RGPD2: variants seen among roughly 807,000 people sequenced by gnomAD.
The protein encoded by RGPD2 is RANBP2-like and GRIP domain-containing protein 2.
A neutral mutation model predicts 36.0 loss-of-function variants in RGPD2; 2 were observed. The ratio of observed to expected loss-of-function variants is 0.06; its 90% confidence interval spans 0.02 to 0.17. RGPD2 has a LOEUF of 0.17. Among genes scored for constraint, RGPD2 ranks in the 10% least tolerant of loss-of-function variants. The probability of loss-of-function intolerance (pLI) is 1.00; values close to 1 mark genes in which losing one functional copy is unlikely to be tolerated. For missense variants in RGPD2, 40 were observed against 464.3 expected, an observed-to-expected ratio of 0.09 and a Z score of 8.40; for synonymous variants, 19 against 163.8, an observed-to-expected ratio of 0.12 and a Z score of 6.75.
chr2:87,947,901 G>A, the RGPD2 span, among the ~76,000 whole-genome samples: 4 of 152,200 alleles, frequency 2.6e-5, no homozygotes, highest in East Asian at 3.9e-4. Flanking sequence ...AAAGGCAATC[G>A]TATAATCTAA....
In RGPD2 at chr2:87,769,863, T is replaced by A. The variant is rs1240594213; in HGVS notation, c.5236+2306A>T. Among the ~76,000 whole-genome samples, 6 of 152,242 alleles carry A rather than the reference T, an allele frequency of 3.9e-5. No homozygotes were observed. In the South Asian group the frequency reaches 1.0e-3, roughly 26 times the overall value. ...ATAACTATAAAATTAGGTTTACTTT[T>A]GTTAGAATAAATTAAAGACAGTGAA... On this transcript the variant is annotated intron_variant, in intron 22 of 22. Coordinates refer to ENST00000398146, the MANE Select transcript of RGPD2 (RefSeq NM_001078170.3).
the RGPD2 span, among the ~76,000 whole-genome samples, chr2:87,983,275 G>A: frequency 2.6e-5 from 4 of 152,192 alleles, no homozygotes; most frequent in South Asian, 2.1e-4. Context: ...AGCCAGGATA[G>A]CGCCACTGCA....
the RGPD2 span, among the ~76,000 whole-genome samples, chr2:87,923,585 C>T: frequency 2.0e-5 from 3 of 151,598 alleles, no homozygotes; most frequent in East Asian, 3.9e-4. Context: ...AACTGGACTG[C>T]AATCTCCCTC....
At chr2:87,972,769 T>A in the RGPD2 span, 1 of 1,611,568 alleles carries the variant, frequency 6.2e-7, no homozygotes, top group East Asian at 2.2e-5. Context: ...CCTACCTCTG[T>A]GAGAGTGGTC....
At chr2:87,961,861 T>G in the RGPD2 span, among the ~76,000 whole-genome samples, 1 of 150,080 alleles carries the variant, frequency 6.7e-6, no homozygotes, top group African/African-American at 2.4e-5. Flanking sequence ...TATTCAAGGG[T>G]CAACTGTGTA....
the RGPD2 span, among the ~76,000 whole-genome samples, chr2:87,973,730 C>T: frequency 6.7e-6 from 1 of 148,598 alleles, no homozygotes; most frequent in African/African-American, 2.5e-5. Context: ...GCTCTGGAGT[C>T]AGGTTACTTT....
At chr2:87,824,706 G>GAGGCCAAGGCCGCCGCCGCCGCCCGGCC (rs1686541556) in intron 1 of RGPD2, among the ~76,000 whole-genome samples, 1 of 135,074 alleles carries the variant, frequency 7.4e-6, no homozygotes, top group African/African-American at 2.6e-5. Context: ...AGGTGAGGCC[G>GAGGCCAAGGCCGCCGCCGCCGCCCGGCC]AGGCCGAGGC....
At chr2:87,844,576 A>G in the RGPD2 span, among the ~76,000 whole-genome samples, 4 of 150,870 alleles carry the variant, frequency 2.7e-5, no homozygotes, top group African/African-American at 7.3e-5. Context: ...TGACAGAATA[A>G]TTTTTATGTT....
chr2:87,809,304 CAA>C (rs1285636804), intron 6 of RGPD2, among the ~76,000 whole-genome samples: 1 of 145,030 alleles, frequency 6.9e-6, no homozygotes, highest in Admixed American at 6.9e-5. Flanking sequence ...GACTCCGTCT[CAA>C]AAAAAAAAAA....
At chr2:87,988,082 A>G in the RGPD2 span, among the ~76,000 whole-genome samples, 1 of 152,128 alleles carries the variant, frequency 6.6e-6, no homozygotes, top group Non-Finnish European at 1.5e-5. Context: ...CTTGTCTACA[A>G]TCTGCCAATG....
chr2:87,860,181 T>A, the RGPD2 span, among the ~76,000 whole-genome samples: 2 of 152,210 alleles, frequency 1.3e-5, no homozygotes, highest in Admixed American at 1.3e-4. Flanking sequence ...CAAGCTGTTT[T>A]ACAAACAGGA....
At chr2:87,989,434 A>G in the RGPD2 span, among the ~76,000 whole-genome samples, 1 of 152,222 alleles carries the variant, frequency 6.6e-6, no homozygotes, top group Non-Finnish European at 1.5e-5. Context: ...AGTTTTAATG[A>G]GATGACAAAA....
Position 87,815,121 on chromosome 2 carries a change from C to G in RGPD2, c.402+1148G>C, listed in dbSNP as rs577095405. On this transcript the variant is annotated intron_variant, in intron 4 of 22. Transcript: ENST00000398146. ...TCTTGACAGTAGTGGTGGTATGAATCTACACATGATAAAATGAAAGAAAAC... is the reference window on the plus strand; with the variant it reads ...TCTTGACAGTAGTGGTGGTATGAATGTACACATGATAAAATGAAAGAAAAC... Among the ~76,000 whole-genome samples, 22 of 146,552 alleles carry G rather than the reference C, an allele frequency of 1.5e-4. 2 individuals are homozygous for G. Among genetic ancestry groups the G allele is most frequent in the African/African-American group, 6.0e-4 (22 of 36,730 alleles).
At chr2:87,970,228 T>C in the RGPD2 span, among the ~76,000 whole-genome samples, 1 of 152,126 alleles carries the variant, frequency 6.6e-6, no homozygotes, top group East Asian at 1.9e-4. Context: ...CACTTCGGAA[T>C]TTTATGAGGA....
chr2:87,831,946 AAC>A, the RGPD2 span, among the ~76,000 whole-genome samples: 1 of 143,694 alleles, frequency 7.0e-6, no homozygotes, highest in Non-Finnish European at 1.5e-5. Context: ...TAATATTGTT[AAC>A]ACAGAAACAA....
the RGPD2 span, among the ~76,000 whole-genome samples, chr2:87,974,821 A>G: frequency 6.6e-6 from 1 of 152,062 alleles, no homozygotes; most frequent in Non-Finnish European, 1.5e-5. Flanking sequence ...CCACAATCCA[A>G]CCATTTTCAC....
chr2:87,963,024 CCA>C, the RGPD2 span, among the ~76,000 whole-genome samples: 3 of 140,416 alleles, frequency 2.1e-5, no homozygotes, highest in Non-Finnish European at 3.1e-5. Flanking sequence ...GGCTGAGGCA[CCA>C]GAATTGCTTG....
chr2:87,824,433 G>A (rs1325289387), intron 1 of RGPD2, among the ~76,000 whole-genome samples: 1 of 152,060 alleles, frequency 6.6e-6, no homozygotes, highest in Non-Finnish European at 1.5e-5. Flanking sequence ...AGCATGGGCA[G>A]TTCACAGATG....
intron 22 of RGPD2, among the ~76,000 whole-genome samples, chr2:87,769,288 G>A (rs532983403): frequency 6.6e-6 from 1 of 151,826 alleles, no homozygotes; most frequent in South Asian, 2.1e-4. Flanking sequence ...CTCTTAAAGA[G>A]AAAATGTAAG....
Sources: gnomAD v4.1 joint callset for allele counts (sites outside exome capture counted in the v4.1 genomes callset) on GRCh38, gnomAD v4.1.1 for gene constraint, MANE v1.5 for transcripts, NCBI Gene and HGNC (gene_info 2026-07-23, HGNC 2026-07-21) for gene names.